HS6ST3: variants seen among roughly 807,000 people sequenced by gnomAD.
The protein encoded by HS6ST3 is heparan sulfate 6-O-sulfotransferase 3.
A neutral mutation model predicts 36.7 loss-of-function variants in HS6ST3; 12 were observed. The ratio of observed to expected loss-of-function variants is 0.33; its 90% CI spans 0.21 to 0.53. The LOEUF (loss-of-function observed/expected upper bound fraction) is 0.53, where lower values mean the gene tolerates loss of function less well. Ranked by LOEUF, HS6ST3 falls within the 20% of genes least tolerant of loss-of-function variation. HS6ST3 has a pLI of 0.95. For missense variants in HS6ST3, 584 were observed against 640.9 expected (o/e 0.91, Z 0.96); for synonymous variants, 240 against 257.5 (o/e 0.93, Z 0.65).
intron 1 of HS6ST3, among the ~76,000 whole-genome samples, chr13:96,222,690 G>C (rs755327550): frequency 3.3e-5 from 5 of 152,196 alleles, no homozygotes; most frequent in African/African-American, 4.8e-5. Flanking sequence ...AAATCAGAAG[G>C]AATTTGTTTA....
chr13:96,378,964 C>T (rs1481134609), intron 1 of HS6ST3, among the ~76,000 whole-genome samples: 5 of 152,198 alleles, frequency 3.3e-5, no homozygotes, highest in African/African-American at 4.8e-5. Flanking sequence ...CCTGGTCTCT[C>T]CCCTCAGCTC....
intron 1 of HS6ST3, among the ~76,000 whole-genome samples, chr13:96,209,630 A>ATG (rs1206431045): frequency 2.6e-5 from 4 of 152,190 alleles, no homozygotes; most frequent in Admixed American, 6.5e-5. Flanking sequence ...CAGGTTGCCC[A>ATG]TGTGGTGACC....
intron 1 of HS6ST3, among the ~76,000 whole-genome samples, chr13:96,724,192 C>A (rs563724126): frequency 4.6e-5 from 7 of 152,054 alleles, no homozygotes; most frequent in Non-Finnish European, 1.0e-4. Context: ...ACACACAAAA[C>A]AGTAGTATGT....
At chr13:96,192,830 A>C (rs1001379680) in intron 1 of HS6ST3, among the ~76,000 whole-genome samples, 1 of 152,162 alleles carries the variant, frequency 6.6e-6, no homozygotes, top group African/African-American at 2.4e-5. Context: ...ATGGATAGTA[A>C]ATTAATATAG....
intron 1 of HS6ST3, among the ~76,000 whole-genome samples, chr13:96,094,276 G>A (rs1262597971): frequency 6.6e-6 from 1 of 152,174 alleles, no homozygotes; most frequent in Non-Finnish European, 1.5e-5. Context: ...TATATGCGTA[G>A]TATAATATAC....
chr13:96,312,038 G>A (rs2054943919), intron 1 of HS6ST3, among the ~76,000 whole-genome samples: 1 of 151,932 alleles, frequency 6.6e-6, no homozygotes, highest in African/African-American at 2.4e-5. Context: ...TCCCCCTCCT[G>A]AAATCACACA....
chr13:96,305,747 T>A (rs2054909081), intron 1 of HS6ST3, among the ~76,000 whole-genome samples: 1 of 152,144 alleles, frequency 6.6e-6, no homozygotes, highest in Admixed American at 6.6e-5. Context: ...ATAATGTATA[T>A]ATTATACCTT....
In HS6ST3 at chr13:96,336,862, A is replaced by G. The variant is rs546148716; in HGVS notation, c.707+245293A>G. 2.4e-4 allele frequency among the ~76,000 whole-genome samples: 37 copies of G among 152,282 alleles called. No homozygotes were observed. The South Asian group carries it at 7.3e-3, about 30-fold the overall frequency. On this transcript the variant is annotated intron_variant, in intron 1 of 1. Transcript: ENST00000376705. ...TTATTAAATTATTCTTTGGGGTTGG[A>G]ATATTATAAAACTATTACAGGTGAG... is the stretch of plus-strand genomic sequence containing the variant.
intron 1 of HS6ST3, among the ~76,000 whole-genome samples, chr13:96,408,279 C>T (rs1156457751): frequency 6.6e-6 from 1 of 151,922 alleles, no homozygotes; most frequent in Admixed American, 6.6e-5. Flanking sequence ...ATGATCAATT[C>T]CCCTCCCCCA....
At chr13:96,511,000 A>G (rs1292192952) in intron 1 of HS6ST3, among the ~76,000 whole-genome samples, 3 of 152,112 alleles carry the variant, frequency 2.0e-5, no homozygotes, top group African/African-American at 4.8e-5. Flanking sequence ...ATATTTCTGT[A>G]TAATTTTTTG....
chr13:96,207,675 G>T (rs2054377782), intron 1 of HS6ST3, among the ~76,000 whole-genome samples: 1 of 152,158 alleles, frequency 6.6e-6, no homozygotes, highest in African/African-American at 2.4e-5. Context: ...CATGTCTTTT[G>T]CAGGGACATG....
At chr13:96,540,887 T>A (rs1203976461) in intron 1 of HS6ST3, among the ~76,000 whole-genome samples, 1 of 151,926 alleles carries the variant, frequency 6.6e-6, no homozygotes, top group Non-Finnish European at 1.5e-5. Context: ...ACTCAAGGAG[T>A]GTAGAGTCAG....
chr13:96,344,511 A>G (rs2055144516), intron 1 of HS6ST3, among the ~76,000 whole-genome samples: 1 of 152,168 alleles, frequency 6.6e-6, no homozygotes, highest in Non-Finnish European at 1.5e-5. Flanking sequence ...CCTTATATTT[A>G]TAGGTTTGAT....
At chr13:96,670,166 G>A (rs145134950) in intron 1 of HS6ST3, among the ~76,000 whole-genome samples, 136 of 152,238 alleles carry the variant, frequency 8.9e-4, no homozygotes, top group African/African-American at 3.2e-3. Flanking sequence ...AGAAGCATGT[G>A]GCATCCTGGA....
intron 1 of HS6ST3, among the ~76,000 whole-genome samples, chr13:96,299,170 G>A (rs541289270): frequency 1.5e-4 from 23 of 152,228 alleles, no homozygotes; most frequent in East Asian, 9.7e-4. Flanking sequence ...CGCTGCTTGC[G>A]TAGAATTCGC....
chr13:96,229,999 C>G (rs1210431321), intron 1 of HS6ST3, among the ~76,000 whole-genome samples: 1 of 152,072 alleles, frequency 6.6e-6, no homozygotes, highest in Non-Finnish European at 1.5e-5. Flanking sequence ...TAGGAAAGCA[C>G]GGGGTATGTT....
intron 1 of HS6ST3, among the ~76,000 whole-genome samples, chr13:96,402,509 T>C (rs1394643415): frequency 6.6e-6 from 1 of 152,214 alleles, no homozygotes; most frequent in Non-Finnish European, 1.5e-5. Context: ...ATCTATGTAC[T>C]CCACACCTCT....
At chr13:96,620,599 C>T (rs2056491419) in intron 1 of HS6ST3, among the ~76,000 whole-genome samples, 1 of 152,202 alleles carries the variant, frequency 6.6e-6, no homozygotes. Flanking sequence ...CAGCGACATA[C>T]ATCCTCATTA....
intron 1 of HS6ST3, among the ~76,000 whole-genome samples, chr13:96,339,611 A>G (rs1367361144): frequency 6.6e-6 from 1 of 152,226 alleles, no homozygotes; most frequent in African/African-American, 2.4e-5. Context: ...CTATCAAGCG[A>G]TCAAATAGAC....
Sources: allele counts gnomAD v4.1 joint callset (sites outside exome capture counted in the v4.1 genomes callset), GRCh38; gene constraint gnomAD v4.1.1; transcripts MANE v1.5; gene names NCBI Gene and HGNC (gene_info 2026-07-23, HGNC 2026-07-21).